The following PKIB variants were observed in gnomAD, a reference collection of about 807,000 sequenced individuals.
The protein encoded by PKIB is cAMP-dependent protein kinase inhibitor beta.
Under a neutral mutation model 4.5 loss-of-function variants are expected in PKIB, and 2 were observed. That is an observed-to-expected ratio of 0.44 (90% CI 0.18 to 1.39). The LOEUF (loss-of-function observed/expected upper bound fraction) is 1.39, where lower values mean the gene tolerates loss of function less well. Among genes scored for constraint, PKIB ranks in the 40% most tolerant of loss-of-function variants. The probability of loss-of-function intolerance (pLI) is 0.27; values close to 1 mark genes in which losing one functional copy is unlikely to be tolerated. For synonymous variants in PKIB, 38 were observed against 36.0 expected, an observed-to-expected ratio of 1.06 and a Z score of -0.20; for missense variants, 94 against 92.6, an observed-to-expected ratio of 1.02 and a Z score of -0.06.
chr6:122,544,877 G>A (rs1772444123), intron 2 of PKIB, among the ~76,000 whole-genome samples: 1 of 151,960 alleles, frequency 6.6e-6, no homozygotes, highest in Non-Finnish European at 1.5e-5. Context: ...TGGCAAACAA[G>A]CATTTGAAAA....
chr6:122,576,668 CAAAAAAAAAAAAAA>C (rs71867898), intron 2 of PKIB, among the ~76,000 whole-genome samples: 1 of 12,014 alleles, frequency 8.3e-5, no homozygotes, highest in African/African-American at 4.4e-4. Context: ...GACTCCATCT[CAAAAAAAAAAAAAA>C]AAAAAAAATA....
At chr6:122,675,239 T>A (rs1024171029) in intron 3 of PKIB, 95 bp downstream of exon 3, 1 of 152,612 alleles carries the variant, frequency 6.6e-6, no homozygotes, top group Non-Finnish European at 1.5e-5. Context: ...AAATGGATAT[T>A]TAGTCTGAAG....
At chr6:122,477,274 G>T (rs1315945743) in intron 1 of PKIB, among the ~76,000 whole-genome samples, 1 of 152,096 alleles carries the variant, frequency 6.6e-6, no homozygotes, top group African/African-American at 2.4e-5. Flanking sequence ...GAAAGTCGAG[G>T]CAATTATCCA....
chr6:122,652,422 G>A lies in PKIB; in HGVS notation c.-76+19055G>A, dbSNP rs563622055. ...CCAAAATCTTTAGGGCAATCTGCAA[G>A]CTGGGAATTCCTTGGAGGAAACTTA... On this transcript the variant is annotated intron_variant, in intron 2 of 4. Coordinates refer to ENST00000368452, the MANE Select transcript of PKIB (RefSeq NM_181795.3). Among the ~76,000 whole-genome samples the A allele has an allele frequency of 1.3e-5, 2 of 152,058 alleles. 1 individual carries two copies. The highest frequency in any genetic ancestry group is 1.3e-4 in the Admixed American group (2 of 15,266).
At chr6:122,581,205 T>C (rs1038128979) in intron 2 of PKIB, among the ~76,000 whole-genome samples, 2 of 152,186 alleles carry the variant, frequency 1.3e-5, no homozygotes, top group African/African-American at 4.8e-5. Context: ...CATCATCATT[T>C]TTCTACATAG....
intron 2 of PKIB, among the ~76,000 whole-genome samples, chr6:122,521,648 C>A (rs978935040): frequency 1.3e-5 from 2 of 151,924 alleles, no homozygotes; most frequent in Non-Finnish European, 2.9e-5. Context: ...CCACTGCACT[C>A]CAGCCTGGGT....
chr6:122,649,022 A>G (rs1776439473), intron 2 of PKIB, among the ~76,000 whole-genome samples: 1 of 152,220 alleles, frequency 6.6e-6, no homozygotes, highest in Non-Finnish European at 1.5e-5. Flanking sequence ...TGCAGTATCC[A>G]CAGAATGGGT....
chr6:122,651,867 C>G (rs1776568627), intron 2 of PKIB, among the ~76,000 whole-genome samples: 2 of 152,168 alleles, frequency 1.3e-5, no homozygotes, highest in Admixed American at 1.3e-4. Flanking sequence ...CTGCCAATTT[C>G]ATCATACTCT....
chr6:122,696,609 C>T (rs796923534), intron 3 of PKIB, among the ~76,000 whole-genome samples: 4 of 152,296 alleles, frequency 2.6e-5, no homozygotes, highest in African/African-American at 7.2e-5. Flanking sequence ...GTTCTCAGCC[C>T]CTCAGAGGAG....
intron 2 of PKIB, among the ~76,000 whole-genome samples, chr6:122,551,221 T>C (rs1321417378): frequency 6.6e-6 from 1 of 152,202 alleles, no homozygotes; most frequent in Non-Finnish European, 1.5e-5. Context: ...CCCTGGTTAC[T>C]CTTTAATTTC....
intron 3 of PKIB, among the ~76,000 whole-genome samples, chr6:122,586,883 G>A (rs991536110): frequency 6.6e-6 from 1 of 152,118 alleles, no homozygotes; most frequent in Non-Finnish European, 1.5e-5. Context: ...AATATATTAA[G>A]CAACTGTTAT....
intron 2 of PKIB, among the ~76,000 whole-genome samples, chr6:122,577,859 A>G (rs1462094001): frequency 6.6e-6 from 1 of 151,304 alleles, no homozygotes; most frequent in East Asian, 1.9e-4. Context: ...CAGTGAGCTG[A>G]GATCACGCCA....
intron 4 of PKIB, among the ~76,000 whole-genome samples, chr6:122,719,580 G>C (rs1028760620): frequency 6.6e-6 from 1 of 152,070 alleles, no homozygotes; most frequent in African/African-American, 2.4e-5. Flanking sequence ...ATGGTCAAAA[G>C]AGATAAAATT....
intron 2 of PKIB, among the ~76,000 whole-genome samples, chr6:122,523,378 C>T (rs534238725): frequency 2.4e-4 from 37 of 152,132 alleles, no homozygotes; most frequent in Admixed American, 1.5e-3. Flanking sequence ...GCTGTGTCCC[C>T]ACGCAAATCT....
intron 2 of PKIB, chr6:122,481,124 T>C (rs1447505500): frequency 6.6e-6 from 1 of 152,180 alleles, no homozygotes; most frequent in African/African-American, 2.4e-5. Flanking sequence ...AGATCAAAGT[T>C]TTAACATCAC....
chr6:122,484,949 T>A lies in PKIB; in HGVS notation c.-248+7010T>A, dbSNP rs117358785. ...ATCCTAGCAGCAGAAGTTCAACCACTCTTACACTGCCTCGTGTTCAAACTG... is the reference window on the plus strand; with the variant it reads ...ATCCTAGCAGCAGAAGTTCAACCACACTTACACTGCCTCGTGTTCAAACTG... On this transcript the variant is annotated intron_variant, in intron 2 of 6. Coordinates refer to the PKIB transcript ENST00000392491. Among the ~76,000 whole-genome samples the A allele has an allele frequency of 9.0e-4, 137 of 152,332 alleles. 2 individuals are homozygous for A. In the East Asian group the frequency reaches 0.025, roughly 27 times the overall value.
chr6:122,716,275 C>T (rs900900634), intron 3 of PKIB, among the ~76,000 whole-genome samples: 12 of 152,094 alleles, frequency 7.9e-5, no homozygotes, highest in African/African-American at 2.7e-4. Flanking sequence ...TTGCTATGCC[C>T]GTTATATAGG....
intron 3 of PKIB, among the ~76,000 whole-genome samples, chr6:122,593,572 T>G (rs534574230): frequency 4.4e-4 from 67 of 152,348 alleles, no homozygotes; most frequent in African/African-American, 1.6e-3. Flanking sequence ...TCTGTTCCCT[T>G]GTTGATAATG....
chr6:122,484,786 C>G (rs1418214358), intron 2 of PKIB, among the ~76,000 whole-genome samples: 4 of 152,150 alleles, frequency 2.6e-5, no homozygotes, highest in Admixed American at 1.3e-4. Flanking sequence ...TTAAAGCAAA[C>G]TAAATATGGT....
Sources: gnomAD v4.1 joint callset for allele counts (sites outside exome capture counted in the v4.1 genomes callset) on GRCh38, gnomAD v4.1.1 for gene constraint, MANE v1.5 for transcripts, NCBI Gene and HGNC (gene_info 2026-07-23, HGNC 2026-07-21) for gene names.